INPP5J: variants seen among roughly 807,000 people sequenced by gnomAD.
INPP5J encodes phosphatidylinositol 4,5-bisphosphate 5-phosphatase A.
A neutral mutation model predicts 86.6 loss-of-function variants in INPP5J; 75 were observed. The ratio of observed to expected loss-of-function variants is 0.87; its 90% CI spans 0.72 to 1.05. INPP5J has a LOEUF of 1.05. Among genes scored for constraint, INPP5J ranks in the 50% least tolerant of loss-of-function variants. The pLI is 0.00. For missense variants in INPP5J, 1,229 were observed against 1,341.2 expected (o/e 0.92, Z 1.31); for synonymous variants, 540 against 550.0 (o/e 0.98, Z 0.25).
At chr22:31,131,527 C>T (rs1966093459) in intron 9 of INPP5J, among the ~76,000 whole-genome samples, 1 of 151,472 alleles carries the variant, frequency 6.6e-6, no homozygotes, top group African/African-American at 2.4e-5. Flanking sequence ...GGCACCACTG[C>T]ACTCCAGCCT....
At chr22:31,126,127 G>A in intron 2 of INPP5J, 117 bp downstream of exon 2, 1 of 1,114,584 alleles carries the variant, frequency 9.0e-7, no homozygotes, top group Non-Finnish European at 1.2e-6. Context: ...AGTCTTTGGG[G>A]AGGGGGTTGC....
chr22:31,127,642 G>A (rs907460489), intron 6 of INPP5J, 110 bp downstream of exon 6: 2 of 1,109,016 alleles, frequency 1.8e-6, no homozygotes, highest in African/African-American at 1.6e-5. Flanking sequence ...GGGGTTTAGT[G>A]CCCACCCAAA....
At position 31,125,342 on chromosome 22, in the gene INPP5J, C is replaced by T; in HGVS notation, c.603C>T (p.Thr201=). 2 of 1,550,590 alleles carry T rather than the reference C, an allele frequency of 1.3e-6. No individual in the cohort carries two copies. The highest frequency in any genetic ancestry group is 1.7e-6 in the Non-Finnish European group (2 of 1,146,982). Residue 201 remains threonine, a synonymous_variant, in exon 2 of 13, where the codon ACC becomes ACT. Coordinates refer to ENST00000331075, the MANE Select transcript of INPP5J (RefSeq NM_001284285.2). ...SEEQPPELPS[T]PSPVPSPVLS... is the part of the protein sequence containing the mutation. ...AGCAGCCCCCAGAACTCCCCTCCAC[C>T]CCTTCCCCGGTGCCCAGTCCAGTTC...
chr22:31,127,439 T>C lies in INPP5J; in HGVS notation c.1694T>C (p.Met565Thr). The change falls in exon 6 of 13, where the codon ATG becomes ACG. Residue 565 changes from methionine to threonine, a missense_variant. Met to Thr is a moderately conservative substitution (Grantham distance 81). Coordinates refer to ENST00000331075, the MANE Select transcript of INPP5J (RefSeq NM_001284285.2). ...CTGAACTGCCACTTGCCTGCGCATA[T>C]GGACAAGGCGGAGCAGCGCAAAGAC... is the stretch of plus-strand genomic sequence containing the variant. ...CFLNCHLPAH[M>T]DKAEQRKDNF... is the part of the protein sequence containing the mutation. 3 of 1,613,866 alleles carry C rather than the reference T, an allele frequency of 1.9e-6. 1 individual carries two copies. In the Admixed American group the frequency reaches 5.0e-5, roughly 27 times the overall value.
In INPP5J at chr22:31,133,190, A is replaced by C; in HGVS notation, c.2286A>C (p.Glu762Asp). 1 of 1,600,356 alleles carries C rather than the reference A, an allele frequency of 6.2e-7. No individual in the cohort carries two copies. The highest frequency in any genetic ancestry group is 8.5e-7 in the Non-Finnish European group (1 of 1,174,310). ...AGGCGGTGGTGAGGTACCGCATGGA[A>C]ACAGTGTTCGCCCGCAGCTCCTGGG... ...PEQAVVRYRM[E>D]TVFARSSWDW... Residue 762 changes from glutamate to aspartate, a missense_variant, in exon 10 of 13, where the codon GAA becomes GAC. Coordinates refer to ENST00000331075, the MANE Select transcript of INPP5J (RefSeq NM_001284285.2).
In INPP5J at chr22:31,125,746, C is replaced by T. The variant is rs1921323797; in HGVS notation, c.1007C>T (p.Thr336Ile). 3 of 1,550,594 alleles carry T rather than the reference C, an allele frequency of 1.9e-6. No homozygotes were observed. The highest frequency in any genetic ancestry group is 2.0e-5 in the Admixed American group (1 of 51,008). ...CGGCCTGGGGCCCCCTCAGGCCAGACTGTGCCCCCACCTCTGCCCAAGCCA... is the reference window on the plus strand; with the variant it reads ...CGGCCTGGGGCCCCCTCAGGCCAGATTGTGCCCCCACCTCTGCCCAAGCCA... ...TFRPGAPSGQ[T>I]VPPPLPKPPR... Residue 336 changes from threonine to isoleucine, a missense_variant, in exon 2 of 13, where the codon ACT (threonine) becomes ATT (isoleucine). Thr to Ile is a moderately conservative substitution (Grantham distance 89, BLOSUM62 -1). Transcript: ENST00000331075.
At position 31,123,077 on chromosome 22, in the gene INPP5J, G is replaced by A. The variant is rs1415121879; in HGVS notation, c.63G>A (p.Leu21=). The change falls in exon 1 of 13, where the codon CTG becomes CTA. Residue 21 remains leucine (L), a synonymous_variant. Coordinates refer to ENST00000331075, the MANE Select transcript of INPP5J (RefSeq NM_001284285.2). ...RPGTRAGLGS[L]PMPQGVAQTG... ...GGACCCGGGCTGGCCTGGGTTCCCT[G>A]CCCATGCCCCAGGGTGTTGCCCAAA... 1 of 1,485,400 alleles carries A rather than the reference G, an allele frequency of 6.7e-7. No individual in the cohort carries two copies. The highest frequency in any genetic ancestry group is 8.9e-7 in the Non-Finnish European group (1 of 1,121,068). 92.0% of individuals were successfully genotyped at this position (1,485,400 alleles called of 1,614,324 possible). A position where few individuals can be genotyped will look rare whatever the true frequency, so the allele number is the denominator to read the frequency against.
Position 31,134,391 on chromosome 22 carries a change from G to T in INPP5J, c.2993G>T (p.Gly998Val). The change falls in exon 13 of 13, where the codon GGG becomes GTG. Residue 998 changes from glycine (G) to valine (V), a missense_variant. Coordinates refer to ENST00000331075, the MANE Select transcript of INPP5J (RefSeq NM_001284285.2). The part of the protein sequence containing the change: ...SLSPSPQGHR[G>V]LEEGGLGP Reference sequence around the variant, plus strand: ...TCTCCTAGTCCCCAGGGCCATCGGGGGCTGGAGGAAGGGGGCCTGGGGCCC... The same window carrying T: ...TCTCCTAGTCCCCAGGGCCATCGGGTGCTGGAGGAAGGGGGCCTGGGGCCC... 6.8e-7 allele frequency: 1 copy of T among 1,473,880 alleles called. No homozygotes were observed. Among genetic ancestry groups the T allele is most frequent in the Non-Finnish European group, 9.0e-7 (1 of 1,111,002 alleles). 91.3% of individuals were successfully genotyped at this position (1,473,880 alleles called of 1,614,324 possible).
intron 1 of INPP5J, 55 bp downstream of exon 1, chr22:31,123,174 C>A (rs895704463): frequency 1.0e-6 from 1 of 998,386 alleles, no homozygotes; most frequent in Non-Finnish European, 1.4e-6. Flanking sequence ...GTTCCACACA[C>A]CCCCCCCACA....
At chr22:31,128,718 C>T in intron 9 of INPP5J, 64 bp downstream of exon 9, 7 of 1,371,504 alleles carry the variant, frequency 5.1e-6, no homozygotes, top group Middle Eastern at 2.2e-4. Flanking sequence ...ACCACTGCCC[C>T]TCACCATTAC....
intron 11 of INPP5J, 63 bp downstream of exon 11, chr22:31,133,546 C>T: frequency 6.3e-7 from 1 of 1,592,282 alleles, no homozygotes; most frequent in Non-Finnish European, 8.6e-7. Flanking sequence ...TCAGAACTCA[C>T]CTTGGGGGCT....
intron 9 of INPP5J, among the ~76,000 whole-genome samples, chr22:31,131,925 G>A (rs1922097600): frequency 6.6e-6 from 1 of 152,150 alleles, no homozygotes; most frequent in South Asian, 2.1e-4. Context: ...GGTAAACAGG[G>A]GATCAGACAA....
In INPP5J at chr22:31,125,741, C is replaced by A. The variant is rs552435313; in HGVS notation, c.1002C>A (p.Gly334=). Residue 334 remains glycine, a synonymous_variant, in exon 2 of 13, where the codon GGC becomes GGA. Coordinates refer to ENST00000331075, the MANE Select transcript of INPP5J (RefSeq NM_001284285.2). The part of the protein sequence containing the change: ...SPTFRPGAPS[G]QTVPPPLPKP... ...CCTTCCGGCCTGGGGCCCCCTCAGG[C>A]CAGACTGTGCCCCCACCTCTGCCCA... is the stretch of plus-strand genomic sequence containing the variant. 1 of 1,550,768 alleles carries A rather than the reference C, an allele frequency of 6.4e-7. No homozygotes were observed. Among genetic ancestry groups the A allele is most frequent in the East Asian group, 2.4e-5 (1 of 40,904 alleles).
chr22:31,128,767 C>T (rs923056472), intron 9 of INPP5J, 113 bp downstream of exon 9: 7 of 934,874 alleles, frequency 7.5e-6, no homozygotes, highest in South Asian at 3.4e-5. Context: ...CAGCAGCATC[C>T]ATTTGTTGTA....
Position 31,123,008 on chromosome 22 carries a change from T to C in INPP5J, c.-7T>C. On this transcript the variant is annotated 5_prime_UTR_variant, in exon 1 of 13. Coordinates refer to ENST00000331075, the MANE Select transcript of INPP5J (RefSeq NM_001284285.2). ...CAAGGGAGTCCAGGCTGCCGGGGGCTGCAGACATGGAGGGCCAGAGCAGCA... is the reference window on the plus strand; with the variant it reads ...CAAGGGAGTCCAGGCTGCCGGGGGCCGCAGACATGGAGGGCCAGAGCAGCA... The C allele has an allele frequency of 1.4e-6, 2 of 1,438,754 alleles. No homozygotes were observed. The highest frequency in any genetic ancestry group is 1.8e-6 in the Non-Finnish European group (2 of 1,096,034). The allele number at this position is 1,438,754 out of a possible 1,614,324, so 89.1% of individuals were successfully genotyped here.
intron 9 of INPP5J, among the ~76,000 whole-genome samples, chr22:31,132,469 G>A (rs1922139713): frequency 6.6e-6 from 1 of 152,180 alleles, no homozygotes; most frequent in Middle Eastern, 3.2e-3. Context: ...GCCGGGCACG[G>A]TGGCTCATGC....
In INPP5J at chr22:31,127,932, C is replaced by T. The variant is rs1921660804; in HGVS notation, c.1788-19C>T. The T allele has an allele frequency of 6.7e-7, 1 of 1,497,114 alleles. No individual in the cohort carries two copies. Among genetic ancestry groups the T allele is most frequent in the South Asian group, 1.1e-5 (1 of 88,214 alleles). 92.7% of individuals were successfully genotyped at this position (1,497,114 alleles called of 1,614,324 possible). The stretch of plus-strand genomic sequence containing the variant: ...CCCCCACTGCCCCCCACATCTCTCC[C>T]ATCCCCCACCCCAAACAGCCTCGTG... On this transcript the variant is annotated intron_variant, in intron 6 of 12. Transcript: ENST00000331075.
intron 6 of INPP5J, 135 bp downstream of exon 6, chr22:31,127,667 A>G: frequency 2.1e-6 from 2 of 944,430 alleles, no homozygotes; most frequent in Non-Finnish European, 3.1e-6. Flanking sequence ...TTGTAGGAAC[A>G]CGAAAGCAGA....
chr22:31,127,232 C>A (rs868429533), intron 5 of INPP5J, 125 bp from the exon 6 acceptor site: 14 of 917,848 alleles, frequency 1.5e-5, no homozygotes, highest in Non-Finnish European at 2.0e-5. Context: ...TGTGTCCCAG[C>A]GTTGTTCCTC....
Sources: allele counts gnomAD v4.1 joint callset (sites outside exome capture counted in the v4.1 genomes callset), GRCh38; gene constraint gnomAD v4.1.1; transcripts MANE v1.5; gene names NCBI Gene and HGNC (gene_info 2026-07-23, HGNC 2026-07-21).